KANK1: variants seen among roughly 807,000 people sequenced by gnomAD.
The protein encoded by KANK1 is KN motif and ankyrin repeat domains 1.
A neutral mutation model predicts 106.2 loss-of-function variants in KANK1; 109 were observed. The observed-to-expected ratio is 1.03, with a 90% confidence interval of 0.88 to 1.20. The LOEUF is 1.20. Among genes scored for constraint, KANK1 ranks in the 50% most tolerant of loss-of-function variants. The probability of loss-of-function intolerance (pLI) is 0.00; values close to 1 mark genes in which losing one functional copy is unlikely to be tolerated. For missense variants in KANK1, 2,399 were observed against 1,710.7 expected (o/e 1.40, Z -7.10); for synonymous variants, 873 against 652.2 (o/e 1.34, Z -5.16).
At chr9:563,585 T>G (rs149776398) in intron 1 of KANK1, among the ~76,000 whole-genome samples, 42 of 152,324 alleles carry the variant, frequency 2.8e-4, no homozygotes, top group African/African-American at 9.9e-4. Flanking sequence ...TTTGTAGATA[T>G]GTATGTGTGT....
At position 732,586 on chromosome 9, in the gene KANK1, T is replaced by A. The variant is rs750760889; in HGVS notation, c.3214T>A (p.Cys1072Ser). The A allele has an allele frequency of 3.7e-6, 6 of 1,614,022 alleles. No individual in the cohort carries two copies. The highest frequency in any genetic ancestry group is 1.3e-5 in the African/African-American group (1 of 74,922). ...RVEDEMQVQE[C>S]EPEKVEIRER... ...GGAAGATGAAATGCAGGTTCAAGAA[T>A]GTGAACCTGAGAAGGTGGAAATCAG... The change falls in exon 6 of 12, where the codon TGT becomes AGT. Residue 1072 changes from cysteine to serine, a missense_variant. Physicochemically the swap from Cys to Ser is moderately radical, Grantham distance 112 (BLOSUM62 -1). Transcript: ENST00000382297.
At chr9:635,535 C>G (rs986149248) in intron 1 of KANK1, among the ~76,000 whole-genome samples, 2 of 152,060 alleles carry the variant, frequency 1.3e-5, no homozygotes, top group Admixed American at 1.3e-4. Flanking sequence ...GTCATATCAG[C>G]CCCTTGAGAC....
chr9:606,514 C>A (rs1220200244), intron 1 of KANK1, among the ~76,000 whole-genome samples: 1 of 145,836 alleles, frequency 6.9e-6, no homozygotes, highest in African/African-American at 2.8e-5. Flanking sequence ...TGAGATCCCG[C>A]CATTGTACTC....
At chr9:740,578 C>T (rs1835156876) in intron 8 of KANK1, among the ~76,000 whole-genome samples, 2 of 152,082 alleles carry the variant, frequency 1.3e-5, no homozygotes. Flanking sequence ...ACCGTTGTTT[C>T]TCTTGCTTCA....
intron 1 of KANK1, among the ~76,000 whole-genome samples, chr9:634,751 A>G (rs1333495324): frequency 2.0e-5 from 3 of 152,232 alleles, no homozygotes; most frequent in African/African-American, 7.2e-5. Flanking sequence ...CTGTGAGGCC[A>G]GAAGCAAGAT....
intron 2 of KANK1, among the ~76,000 whole-genome samples, chr9:700,924 T>C (rs1313781082): frequency 6.6e-6 from 1 of 152,152 alleles, no homozygotes; most frequent in Non-Finnish European, 1.5e-5. Context: ...AATATCAAAG[T>C]CTCCTCCGTT....
rs146069455 is a variant in KANK1 at position 522,203 on chromosome 9, C to T, written c.-84+17449C>T. ...ATTTACTAATTTAGGTCTCATTTTA[C>T]GATTCTGTTTTCCCTTTTGCTGAAT... On this transcript the variant is annotated intron_variant, in intron 1 of 11. Transcript: ENST00000382297. Among the ~76,000 whole-genome samples, 883 of 151,736 alleles carry T rather than the reference C, an allele frequency of 5.8e-3. 38 individuals carry two copies. Among genetic ancestry groups the T allele is most frequent in the African/African-American group, 0.02 (827 of 41,120 alleles).
intron 2 of KANK1, among the ~76,000 whole-genome samples, chr9:683,588 A>C (rs1416170980): frequency 3.3e-5 from 5 of 152,224 alleles, no homozygotes; most frequent in Non-Finnish European, 5.9e-5. Flanking sequence ...CAGAAGTGTG[A>C]TATCTGTGAA....
intron 3 of KANK1, among the ~76,000 whole-genome samples, chr9:477,388 TAAAG>T (rs2058124490): frequency 6.6e-6 from 1 of 151,722 alleles, no homozygotes; most frequent in Non-Finnish European, 1.5e-5. Context: ...AGGTTGGAGA[TAAAG>T]AAAAGGATTT....
At chr9:570,916 T>G (rs1316069919) in intron 1 of KANK1, among the ~76,000 whole-genome samples, 1 of 152,254 alleles carries the variant, frequency 6.6e-6, no homozygotes, top group East Asian at 1.9e-4. Context: ...AATATATTTG[T>G]GCTGAAATCT....
chr9:581,291 G>C (rs984150770), intron 1 of KANK1, among the ~76,000 whole-genome samples: 1 of 152,242 alleles, frequency 6.6e-6, no homozygotes, highest in Non-Finnish European at 1.5e-5. Flanking sequence ...GGCAAGGGCT[G>C]ACAGCACGTT....
At chr9:487,170 A>G (rs961412461) in intron 3 of KANK1, among the ~76,000 whole-genome samples, 1 of 152,210 alleles carries the variant, frequency 6.6e-6, no homozygotes, top group Non-Finnish European at 1.5e-5. Context: ...TGCTCCTGCA[A>G]ATACAGACAG....
At chr9:541,286 G>C (rs982951798) in intron 1 of KANK1, among the ~76,000 whole-genome samples, 1 of 152,150 alleles carries the variant, frequency 6.6e-6, no homozygotes, top group Non-Finnish European at 1.5e-5. Flanking sequence ...TTTACAGTCG[G>C]TTGGCTCTTT....
intron 3 of KANK1, among the ~76,000 whole-genome samples, chr9:498,534 G>C (rs1384183200): frequency 6.6e-6 from 1 of 152,128 alleles, no homozygotes; most frequent in Non-Finnish European, 1.5e-5. Flanking sequence ...TCATATATCA[G>C]ATAAAGACTA....
chr9:697,211 C>G (rs372613623), intron 2 of KANK1, among the ~76,000 whole-genome samples: 3 of 151,948 alleles, frequency 2.0e-5, no homozygotes, highest in East Asian at 1.9e-4. Flanking sequence ...AAAGAGAGGC[C>G]TGACATTCTG....
intron 3 of KANK1, among the ~76,000 whole-genome samples, chr9:717,335 TAA>T (rs1234225326): frequency 1.3e-5 from 2 of 152,048 alleles, no homozygotes; most frequent in African/African-American, 4.8e-5. Context: ...GAGCATATAA[TAA>T]AAGAGTTAAA....
chr9:654,827 G>C (rs1474770283), intron 1 of KANK1, among the ~76,000 whole-genome samples: 44 of 41,690 alleles, frequency 1.1e-3, no homozygotes, highest in African/African-American at 1.8e-3. Flanking sequence ...GAGAGAGAGA[G>C]AGAGAGAGAG....
chr9:688,225 TCACA>T (rs1033124547), intron 2 of KANK1, among the ~76,000 whole-genome samples: 1 of 152,190 alleles, frequency 6.6e-6, no homozygotes, highest in African/African-American at 2.4e-5. Context: ...TTTTACTGTG[TCACA>T]CACACACTCT....
intron 1 of KANK1, among the ~76,000 whole-genome samples, chr9:575,509 A>G (rs550385138): frequency 0.017 from 174 of 10,308 alleles, no homozygotes; most frequent in Non-Finnish European, 0.038. Flanking sequence ...CTCTACAGGG[A>G]AAAAAAAAAA....
Sources: allele counts gnomAD v4.1 joint callset (sites outside exome capture counted in the v4.1 genomes callset), GRCh38; gene constraint gnomAD v4.1.1; transcripts MANE v1.5; gene names NCBI Gene and HGNC (gene_info 2026-07-23, HGNC 2026-07-21).